MOXD1: variants seen among roughly 807,000 people sequenced by gnomAD.
The protein encoded by MOXD1 is monooxygenase DBH like 1, also known as DBH-like monooxygenase protein 1.
In MOXD1, 62 loss-of-function variants were observed where a neutral mutation model predicts 66.6. That is an observed-to-expected ratio of 0.93 (90% CI 0.76 to 1.15). MOXD1 has a LOEUF of 1.15. Among genes scored for constraint, MOXD1 ranks in the 50% most tolerant of loss-of-function variants. The pLI is 0.00. For synonymous variants in MOXD1, 303 were observed against 281.9 expected, an observed-to-expected ratio of 1.07 and a Z score of -0.75; for missense variants, 847 against 754.6, an observed-to-expected ratio of 1.12 and a Z score of -1.44.
chr6:132,389,976 G>A (rs893532250), intron 1 of MOXD1, among the ~76,000 whole-genome samples: 14 of 151,594 alleles, frequency 9.2e-5, no homozygotes, highest in African/African-American at 3.4e-4. Context: ...TTGTTGATCT[G>A]TCTTCTCAAA....
chr6:132,399,501 C>G (rs1776972422), intron 1 of MOXD1, among the ~76,000 whole-genome samples: 1 of 152,148 alleles, frequency 6.6e-6, no homozygotes, highest in South Asian at 2.1e-4. Context: ...GAACCACAAA[C>G]AGGGTGAAAA....
At chr6:132,349,352 G>T (rs1775735236) in intron 4 of MOXD1, among the ~76,000 whole-genome samples, 1 of 132,190 alleles carries the variant, frequency 7.6e-6, no homozygotes, top group Non-Finnish European at 1.6e-5. Flanking sequence ...CATATATATA[G>T]ATATATTCCA....
intron 10 of MOXD1, among the ~76,000 whole-genome samples, chr6:132,303,806 CATGTGTGT>C (rs1302769773): frequency 0.061 from 5,518 of 90,934 alleles, 329 homozygotes; most frequent in African/African-American, 0.1. Flanking sequence ...TATACACACA[CATGTGTGT>C]GTGTGTGTGT....
At position 132,349,418 on chromosome 6, in the gene MOXD1, T is replaced by TAC. The variant is rs1211009804; in HGVS notation, c.664-20825_664-20824insGT. Among the ~76,000 whole-genome samples the TAC allele has an allele frequency of 6.1e-4, 50 of 81,978 alleles. 5 individuals carry two copies. In the East Asian group the frequency reaches 7.8e-3, roughly 13 times the overall value. The allele number at this position is 81,978 out of a possible 152,430, so 53.8% of individuals were successfully genotyped here. A position where few individuals can be genotyped will look rare whatever the true frequency, so the allele number is the denominator to read the frequency against. On this transcript the variant is annotated intron_variant, in intron 4 of 11. Coordinates refer to ENST00000367963, the MANE Select transcript of MOXD1 (RefSeq NM_015529.4). ...ACACATATATATACATATATATATA[T>TAC]ATACATATATATATATACATATATA...
intron 6 of MOXD1, among the ~76,000 whole-genome samples, chr6:132,326,972 A>C (rs1226912458): frequency 6.6e-6 from 1 of 152,180 alleles, no homozygotes; most frequent in Non-Finnish European, 1.5e-5. Context: ...CACTGTATCA[A>C]ACTCTTCAAT....
At position 132,298,600 on chromosome 6, in the gene MOXD1, A is replaced by G. The variant is rs1200480236; in HGVS notation, c.1509-645T>C. ...TACAACAAAAAATGTGATTTGATCAATGCTTCAAAAATTTTACTCATTTCT... is the reference window on the plus strand; with the variant it reads ...TACAACAAAAAATGTGATTTGATCAGTGCTTCAAAAATTTTACTCATTTCT... On this transcript the variant is annotated intron_variant, in intron 10 of 11. Transcript: ENST00000367963. Among the ~76,000 whole-genome samples, 7 of 152,146 alleles carry G rather than the reference A, an allele frequency of 4.6e-5. No homozygotes were observed. In the East Asian group the frequency reaches 9.6e-4, roughly 21 times the overall value.
chr6:132,329,445 T>A (rs1413317829), intron 4 of MOXD1, among the ~76,000 whole-genome samples: 1 of 152,072 alleles, frequency 6.6e-6, no homozygotes, highest in African/African-American at 2.4e-5. Flanking sequence ...TGTGCATGTG[T>A]CTTTATAGCA....
At chr6:132,330,958 T>A (rs1291432345) in intron 4 of MOXD1, among the ~76,000 whole-genome samples, 2 of 152,142 alleles carry the variant, frequency 1.3e-5, no homozygotes, top group Non-Finnish European at 2.9e-5. Flanking sequence ...CAACATCACA[T>A]TCATGGAAAA....
chr6:132,308,992 T>TCAA (rs1239052200), intron 10 of MOXD1, among the ~76,000 whole-genome samples: 1 of 152,160 alleles, frequency 6.6e-6, no homozygotes, highest in Non-Finnish European at 1.5e-5. Context: ...CCACTCCTGT[T>TCAA]CAACATAGTA....
chr6:132,372,474 C>T (rs1441931387), intron 4 of MOXD1, 134 bp downstream of exon 4: 1 of 779,530 alleles, frequency 1.3e-6, no homozygotes, highest in African/African-American at 1.8e-5. Context: ...GTCAGCCAAG[C>T]CAGTTCTTTT....
At chr6:132,316,436 T>C (rs1317010385) in intron 9 of MOXD1, among the ~76,000 whole-genome samples, 2 of 152,062 alleles carry the variant, frequency 1.3e-5, no homozygotes, top group African/African-American at 4.8e-5. Flanking sequence ...GATAAAAATA[T>C]GTTCAATAAA....
chr6:132,375,050 TTTCC>T, intron 1 of MOXD1: 1 of 532,146 alleles, frequency 1.9e-6, no homozygotes. Flanking sequence ...ATTGTGTGCC[TTTCC>T]TTCCTTGGAA....
intron 7 of MOXD1, 44 bp downstream of exon 7, chr6:132,323,887 T>C: frequency 1.3e-6 from 2 of 1,506,748 alleles, no homozygotes; most frequent in South Asian, 1.3e-5. Context: ...TCTAAGAGCA[T>C]TGATGAATCT....
At chr6:132,358,718 A>C (rs1028420923) in intron 4 of MOXD1, among the ~76,000 whole-genome samples, 1 of 152,226 alleles carries the variant, frequency 6.6e-6, no homozygotes, top group Non-Finnish European at 1.5e-5. Context: ...TGAGGCTAAA[A>C]TCAGCTATTA....
At chr6:132,301,656 A>G (rs993139899) in intron 10 of MOXD1, among the ~76,000 whole-genome samples, 1 of 152,132 alleles carries the variant, frequency 6.6e-6, no homozygotes, top group Non-Finnish European at 1.5e-5. Flanking sequence ...AGCTAAATGA[A>G]CTATATTACA....
chr6:132,360,915 A>ATGTTTCAG, intron 4 of MOXD1, among the ~76,000 whole-genome samples: 1 of 152,290 alleles, frequency 6.6e-6, no homozygotes, highest in Admixed American at 6.5e-5. Context: ...ACATACCATA[A>ATGTTTCAG]ACCAAAGTGT....
rs1430217829 is a variant in MOXD1, at chr6:132,372,606, A to G, written c.663+2T>C. 62 of 1,608,048 alleles carry G rather than the reference A, an allele frequency of 3.9e-5. No homozygotes were observed. Among genetic ancestry groups the G allele is most frequent in the Non-Finnish European group, 5.0e-5 (59 of 1,174,646 alleles). ...ATTTTAGCCTATGAATGAGTCACAT[A>G]CCTTTATTACATGATGCTTTTCTTG... On this transcript the variant is annotated splice_donor_variant, in intron 4 of 11. Coordinates refer to ENST00000367963, the MANE Select transcript of MOXD1 (RefSeq NM_015529.4). LOFTEE classifies it high-confidence loss of function.
intron 10 of MOXD1, among the ~76,000 whole-genome samples, chr6:132,303,182 C>A (rs1488422678): frequency 6.6e-6 from 1 of 151,988 alleles, no homozygotes; most frequent in African/African-American, 2.4e-5. Flanking sequence ...AATGATGAAA[C>A]AAACTTCAAT....
chr6:132,346,615 A>G (rs113489724), intron 4 of MOXD1, among the ~76,000 whole-genome samples: 2,112 of 152,300 alleles, frequency 0.014, 58 homozygotes, highest in African/African-American at 0.048. Context: ...GTTCTGTTCT[A>G]TCTGGTAATG....
Sources: allele counts gnomAD v4.1 joint callset (sites outside exome capture counted in the v4.1 genomes callset), GRCh38; gene constraint gnomAD v4.1.1; transcripts MANE v1.5; gene names NCBI Gene and HGNC (gene_info 2026-07-23, HGNC 2026-07-21).